The following LRRTM4 variants were observed in gnomAD, a reference collection of about 807,000 sequenced individuals.
LRRTM4 encodes the protein leucine-rich repeat transmembrane neuronal protein 4.
Under a neutral mutation model 47.6 loss-of-function variants are expected in LRRTM4, and 25 were observed. That is an observed-to-expected ratio of 0.53 (90% CI 0.38 to 0.73). The LOEUF (loss-of-function observed/expected upper bound fraction) is 0.73, where lower values mean the gene tolerates loss of function less well. Among genes scored for constraint, LRRTM4 ranks in the 30% least tolerant of loss-of-function variants. The probability of loss-of-function intolerance (pLI) is 0.00; values close to 1 mark genes in which losing one functional copy is unlikely to be tolerated. For synonymous variants in LRRTM4, 311 were observed against 269.5 expected, an observed-to-expected ratio of 1.15 and a Z score of -1.51; for missense variants, 638 against 713.4, an observed-to-expected ratio of 0.89 and a Z score of 1.20.
At chr2:76,814,577 AC>A (rs1670843956) in intron 3 of LRRTM4, among the ~76,000 whole-genome samples, 1 of 152,182 alleles carries the variant, frequency 6.6e-6, no homozygotes, top group Non-Finnish European at 1.5e-5. Flanking sequence ...ACAAATATTT[AC>A]ATAGAATTCA....
At chr2:77,310,731 A>G (rs1246927173) in intron 3 of LRRTM4, among the ~76,000 whole-genome samples, 1 of 152,226 alleles carries the variant, frequency 6.6e-6, no homozygotes, top group East Asian at 1.9e-4. Context: ...GCTGCGGGAA[A>G]GATCAGACAA....
chr2:77,499,493 A>C (rs2104071089), intron 3 of LRRTM4, among the ~76,000 whole-genome samples: 1 of 152,010 alleles, frequency 6.6e-6, no homozygotes, highest in African/African-American at 2.4e-5. Context: ...CATGATAGGA[A>C]TAAAGAATTC....
intron 3 of LRRTM4, among the ~76,000 whole-genome samples, chr2:77,406,870 T>C (rs551514159): frequency 1.3e-5 from 2 of 152,198 alleles, no homozygotes; most frequent in Admixed American, 6.5e-5. Flanking sequence ...TAAACAAATA[T>C]GACCACAAAA....
At chr2:76,788,170 A>G (rs538484393) in intron 3 of LRRTM4, among the ~76,000 whole-genome samples, 1 of 152,280 alleles carries the variant, frequency 6.6e-6, no homozygotes, top group East Asian at 1.9e-4. Context: ...AAGTAAATAA[A>G]TAGTTCCAGT....
rs1290168687 is a variant in LRRTM4, at chr2:76,768,075, A to G, written c.1552-19159T>C. Among the ~76,000 whole-genome samples, 4 of 152,226 alleles carry G rather than the reference A, an allele frequency of 2.6e-5. No homozygotes were observed. In the East Asian group the frequency reaches 7.7e-4, roughly 29 times the overall value. On this transcript the variant is annotated intron_variant, in intron 3 of 3. Coordinates refer to ENST00000409884, the MANE Select transcript of LRRTM4 (RefSeq NM_001134745.3). ...TTCTTAAAGACTATACTCAGGAAAC[A>G]GAAAAAGCAGGTTTTAATTTATGTG...
intron 3 of LRRTM4, among the ~76,000 whole-genome samples, chr2:76,912,132 G>A (rs2103782971): frequency 6.6e-6 from 1 of 152,186 alleles, no homozygotes; most frequent in South Asian, 2.1e-4. Context: ...TGTTATCCAG[G>A]ATGGTCTCGA....
At chr2:76,910,382 A>G (rs2103776763) in intron 3 of LRRTM4, among the ~76,000 whole-genome samples, 1 of 151,860 alleles carries the variant, frequency 6.6e-6, no homozygotes, top group African/African-American at 2.4e-5. Context: ...ACATTGGGAG[A>G]TATACCTAAT....
At chr2:77,234,655 C>T (rs4853307) in intron 3 of LRRTM4, among the ~76,000 whole-genome samples, 99,609 of 151,970 alleles carry the variant, frequency 0.66, 32,789 homozygotes, top group African/African-American at 0.73. Flanking sequence ...ACCACCTGGG[C>T]AGATTTTTTA....
At chr2:76,942,422 G>T (rs1478866921) in intron 3 of LRRTM4, among the ~76,000 whole-genome samples, 1 of 151,600 alleles carries the variant, frequency 6.6e-6, no homozygotes, top group East Asian at 1.9e-4. Flanking sequence ...AAAGATCATT[G>T]GTGCTTTGCC....
intron 3 of LRRTM4, among the ~76,000 whole-genome samples, chr2:77,138,543 A>T (rs1672019079): frequency 6.6e-6 from 1 of 152,192 alleles, no homozygotes; most frequent in South Asian, 2.1e-4. Flanking sequence ...TTGACAACTT[A>T]ACATCACAAT....
intron 3 of LRRTM4, among the ~76,000 whole-genome samples, chr2:77,467,775 G>T (rs1451509973): frequency 6.6e-6 from 1 of 152,098 alleles, no homozygotes; most frequent in Non-Finnish European, 1.5e-5. Context: ...TGTGAGAGTG[G>T]TCATAAGTTT....
intron 3 of LRRTM4, among the ~76,000 whole-genome samples, chr2:76,946,454 G>A (rs1207925490): frequency 6.6e-6 from 1 of 151,714 alleles, no homozygotes; most frequent in African/African-American, 2.4e-5. Flanking sequence ...TCTTGGAAAG[G>A]TGTCCAGTAC....
chr2:77,420,051 T>C (rs149141255), intron 3 of LRRTM4, among the ~76,000 whole-genome samples: 1 of 152,286 alleles, frequency 6.6e-6, no homozygotes, highest in African/African-American at 2.4e-5. Flanking sequence ...GGTGTTTCTG[T>C]CATTAGAATT....
chr2:77,506,794 C>T (rs1558775063), intron 3 of LRRTM4, among the ~76,000 whole-genome samples: 1 of 151,702 alleles, frequency 6.6e-6, no homozygotes, highest in Non-Finnish European at 1.5e-5. Flanking sequence ...TGAAATGAAC[C>T]ATCGCAAATG....
intron 3 of LRRTM4, among the ~76,000 whole-genome samples, chr2:76,801,409 C>T (rs1252497099): frequency 6.6e-6 from 1 of 151,742 alleles, no homozygotes; most frequent in Non-Finnish European, 1.5e-5. Context: ...TAAACTATCG[C>T]AAGAACAAAA....
In LRRTM4 at chr2:76,766,905, G is replaced by A. The variant is rs111553573; in HGVS notation, c.1552-17989C>T. 1.1e-4 allele frequency among the ~76,000 whole-genome samples: 16 copies of A among 152,286 alleles called. 1 individual carries two copies. Among genetic ancestry groups the A allele is most frequent in the African/African-American group, 3.4e-4 (14 of 41,562 alleles). On this transcript the variant is annotated intron_variant, in intron 3 of 3. Coordinates refer to ENST00000409884, the MANE Select transcript of LRRTM4 (RefSeq NM_001134745.3). ...AACTATCTGATCTAAAATGTCAAAA[G>A]TGCAGCTGCTGAGAAACCCTAGGCT...
intron 3 of LRRTM4, chr2:76,773,008 T>A (rs1203945093): frequency 6.6e-6 from 1 of 152,170 alleles, no homozygotes; most frequent in Non-Finnish European, 1.5e-5. Context: ...TCTGGTACTA[T>A]CTATGGTTTC....
chr2:76,991,370 GGACA>G (rs1677003291), intron 3 of LRRTM4, among the ~76,000 whole-genome samples: 1 of 151,284 alleles, frequency 6.6e-6, no homozygotes, highest in Non-Finnish European at 1.5e-5. Flanking sequence ...TTGTTTGAAA[GGACA>G]AACAAGATCA....
chr2:77,049,123 T>TATATATATATATACATATATATATATAC (rs1558549406), intron 3 of LRRTM4, among the ~76,000 whole-genome samples: 1 of 40,708 alleles, frequency 2.5e-5, no homozygotes, highest in African/African-American at 8.2e-5. Context: ...TTTCATTTTT[T>TATATATATATATACATATATATATATAC]ATATATATAT....
Sources: gnomAD v4.1 joint callset for allele counts (sites outside exome capture counted in the v4.1 genomes callset) on GRCh38, gnomAD v4.1.1 for gene constraint, MANE v1.5 for transcripts, NCBI Gene and HGNC (gene_info 2026-07-23, HGNC 2026-07-21) for gene names.